The following PTPN20 variants were observed in gnomAD, a reference collection of about 807,000 sequenced individuals.
The protein encoded by PTPN20 is protein tyrosine phosphatase non-receptor type 20.
Under a neutral mutation model 35.0 loss-of-function variants are expected in PTPN20, and 9 were observed. The ratio of observed to expected loss-of-function variants is 0.26; its 90% CI spans 0.15 to 0.45. The LOEUF (loss-of-function observed/expected upper bound fraction) is 0.45. PTPN20 is among the 20% of genes least tolerant of loss of function. PTPN20 has a pLI of 1.00. For synonymous variants in PTPN20, 32 were observed against 100.2 expected (o/e 0.32, Z 4.06); for missense variants, 111 against 312.5 (o/e 0.36, Z 4.86).
chr10:46,966,266 CGTA>C (rs1267190692), intron 6 of PTPN20, among the ~76,000 whole-genome samples: 2 of 150,406 alleles, frequency 1.3e-5, no homozygotes, highest in Admixed American at 6.6e-5. Flanking sequence ...GTGTCTTACA[CGTA>C]GTATTTTTTC....
intron 5 of PTPN20, among the ~76,000 whole-genome samples, chr10:46,959,290 C>T (rs1393860345): frequency 7.1e-6 from 1 of 141,694 alleles, no homozygotes; most frequent in African/African-American, 2.7e-5. Context: ...AAATTAAAAT[C>T]GATTTTATCT....
chr10:46,945,402 G>A (rs2044432241), intron 4 of PTPN20, among the ~76,000 whole-genome samples: 2 of 152,068 alleles, frequency 1.3e-5, no homozygotes, highest in Admixed American at 1.3e-4. Context: ...AAAATTAGAA[G>A]GAGAAAAGAG....
chr10:46,937,357 T>A (rs2041984582), intron 2 of PTPN20, among the ~76,000 whole-genome samples: 2 of 151,836 alleles, frequency 1.3e-5, no homozygotes, highest in African/African-American at 4.9e-5. Context: ...GATTTTTCTA[T>A]AAGCTCATAT....
At chr10:46,928,848 TCA>T (rs2038635204) in intron 1 of PTPN20, among the ~76,000 whole-genome samples, 2 of 104,180 alleles carry the variant, frequency 1.9e-5, no homozygotes, top group Admixed American at 2.2e-4. Flanking sequence ...CAAGAGTAAG[TCA>T]CTATTGAACA....
At chr10:46,940,057 C>T (rs1170827173) in intron 2 of PTPN20, among the ~76,000 whole-genome samples, 2 of 151,940 alleles carry the variant, frequency 1.3e-5, no homozygotes, top group Admixed American at 1.3e-4. Context: ...CTGAAAGAGT[C>T]TGTGCAGTAA....
intron 2 of PTPN20, among the ~76,000 whole-genome samples, chr10:46,939,642 T>G (rs1414856254): frequency 6.6e-6 from 1 of 151,342 alleles, no homozygotes; most frequent in African/African-American, 2.4e-5. Context: ...TTTCTTTGGC[T>G]TCTATGATTG....
At chr10:46,966,374 G>A (rs1225907368) in intron 6 of PTPN20, among the ~76,000 whole-genome samples, 2 of 152,334 alleles carry the variant, frequency 1.3e-5, no homozygotes, top group African/African-American at 2.4e-5. Flanking sequence ...GTCAAATATG[G>A]CAATCTTTGC....
At chr10:46,948,691 G>T (rs1423578326) in intron 5 of PTPN20, among the ~76,000 whole-genome samples, 1 of 152,036 alleles carries the variant, frequency 6.6e-6, no homozygotes, top group Non-Finnish European at 1.5e-5. Flanking sequence ...GTGTGCCTGT[G>T]CTTTAGAAGG....
chr10:46,933,254 A>G (rs1373613635), intron 2 of PTPN20, among the ~76,000 whole-genome samples: 1 of 145,146 alleles, frequency 6.9e-6, no homozygotes, highest in African/African-American at 2.6e-5. Flanking sequence ...CTGTGAAATG[A>G]TTACCACAAT....
chr10:46,949,375 T>C (rs1485371333), intron 5 of PTPN20, among the ~76,000 whole-genome samples: 3 of 152,226 alleles, frequency 2.0e-5, no homozygotes, highest in African/African-American at 7.2e-5. Flanking sequence ...ATTTTATGTC[T>C]GAATACTTCT....
intron 3 of PTPN20, among the ~76,000 whole-genome samples, chr10:46,941,592 A>G (rs2043519903): frequency 7.3e-6 from 1 of 136,672 alleles, no homozygotes; most frequent in Non-Finnish European, 1.5e-5. Flanking sequence ...GCACCTTCAC[A>G]GAATGGCCCA....
chr10:46,939,030 T>C lies in PTPN20; in HGVS notation c.35-1593T>C, dbSNP rs1275329325. On this transcript the variant is annotated intron_variant, in intron 2 of 10. Coordinates refer to ENST00000374339, the MANE Select transcript of PTPN20 (RefSeq NM_001042357.5). ...ATGAGTTGCTTGTTTACAATTCTCA[T>C]AGACTTTTTTTTCCTGTTAATTTTT... is the stretch of plus-strand genomic sequence containing the variant. 5.9e-5 allele frequency among the ~76,000 whole-genome samples: 9 copies of C among 152,282 alleles called. No individual in the cohort carries two copies. In the East Asian group the frequency reaches 1.4e-3, roughly 23 times the overall value.
chr10:47,000,460 G>A (rs2059912244), intron 10 of PTPN20, among the ~76,000 whole-genome samples: 1 of 152,054 alleles, frequency 6.6e-6, no homozygotes, highest in Admixed American at 6.6e-5. Context: ...AAGCCTTAAG[G>A]TAACTAGTTC....
intron 5 of PTPN20, among the ~76,000 whole-genome samples, chr10:46,950,949 T>C (rs1454606266): frequency 2.7e-5 from 4 of 150,176 alleles, no homozygotes; most frequent in African/African-American, 1.0e-4. Flanking sequence ...TGTCTAATAT[T>C]TCATTGTATG....
chr10:46,967,680 A>T (rs2051078068), intron 6 of PTPN20, among the ~76,000 whole-genome samples: 1 of 132,820 alleles, frequency 7.5e-6, no homozygotes, highest in Non-Finnish European at 1.6e-5. Context: ...AAAGAAGAAC[A>T]AAATGAAGTT....
chr10:46,957,245 C>T (rs2048662610), intron 5 of PTPN20, among the ~76,000 whole-genome samples: 2 of 151,386 alleles, frequency 1.3e-5, no homozygotes. Context: ...TCTTTTTTTT[C>T]CTAATTTCTC....
chr10:47,003,011 C>T (rs1016547182), downstream of PTPN20, among the ~76,000 whole-genome samples: 3 of 151,896 alleles, frequency 2.0e-5, no homozygotes, highest in Non-Finnish European at 4.4e-5. Flanking sequence ...CGGAAGAATT[C>T]GTTTTCTTCT....
At position 46,935,914 on chromosome 10, in the gene PTPN20, C is replaced by T. The variant is rs1264112681; in HGVS notation, c.34+3381C>T. The stretch of plus-strand genomic sequence containing the variant: ...ACAGTGGTTGAACTTAAATTCCCAT[C>T]AGCAGTGTATAAGTGTTCCCTTTTC... On this transcript the variant is annotated intron_variant, in intron 2 of 10. Coordinates refer to ENST00000374339, the MANE Select transcript of PTPN20 (RefSeq NM_001042357.5). Among the ~76,000 whole-genome samples, 7 of 151,560 alleles carry T rather than the reference C, an allele frequency of 4.6e-5. No individual in the cohort carries two copies. The East Asian group carries it at 1.4e-3, about 30-fold the overall frequency.
Position 47,001,098 on chromosome 10 carries a change from G to A in PTPN20, c.*357G>A, listed in dbSNP as rs1423846372. 5 of 294,542 alleles carry A rather than the reference G, an allele frequency of 1.7e-5. No homozygotes were observed. Among genetic ancestry groups the A allele is most frequent in the African/African-American group, 6.6e-5 (3 of 45,172 alleles). The allele number at this position is 294,542 out of a possible 1,614,324, so 18.2% of individuals were successfully genotyped here. On this transcript the variant is annotated 3_prime_UTR_variant, in exon 11 of 11. Transcript: ENST00000374339. The stretch of plus-strand genomic sequence containing the variant: ...TTATTTGGAAAGGTGGCTGGAGAGA[G>A]CTGAGGATTTCCAGGACTTTGTAAG...
Sources: allele counts gnomAD v4.1 joint callset (sites outside exome capture counted in the v4.1 genomes callset), GRCh38; gene constraint gnomAD v4.1.1; transcripts MANE v1.5; gene names NCBI Gene and HGNC (gene_info 2026-07-23, HGNC 2026-07-21).